Variants in KCNK2 observed in about 807,000 individuals in gnomAD.
KCNK2 encodes potassium two pore domain channel subfamily K member 2.
A neutral mutation model predicts 40.5 loss-of-function variants in KCNK2; 21 were observed. That is an observed-to-expected ratio of 0.52 (90% confidence interval 0.37 to 0.75). The LOEUF (loss-of-function observed/expected upper bound fraction) is 0.75. Among genes scored for constraint, KCNK2 ranks in the 30% least tolerant of loss-of-function variants. KCNK2 has a pLI of 0.00. For missense variants in KCNK2, 399 were observed against 531.6 expected (o/e 0.75, Z 2.45); for synonymous variants, 191 against 202.2 (o/e 0.94, Z 0.47).
chr1:215,178,340 T>C (rs756515589), intron 5 of KCNK2, among the ~76,000 whole-genome samples: 3 of 152,164 alleles, frequency 2.0e-5, no homozygotes, highest in Non-Finnish European at 4.4e-5. Flanking sequence ...CCTATTTGGA[T>C]GCTTTTATTT....
rs1558053948 is a variant in KCNK2 at position 215,007,039 on chromosome 1, G to GTGTGTGTGTGTATATATATA, written c.34+1096_34+1115dup. Among the ~76,000 whole-genome samples, 149 of 69,616 alleles carry GTGTGTGTGTGTATATATATA rather than the reference G, an allele frequency of 2.1e-3. 2 individuals carry two copies. Among genetic ancestry groups the GTGTGTGTGTGTATATATATA allele is most frequent in the Non-Finnish European group, 2.8e-3 (96 of 34,438 alleles). 45.7% of individuals were successfully genotyped at this position (69,616 alleles called of 152,430 possible). On this transcript the variant is annotated intron_variant, in intron 1 of 6. Coordinates refer to the KCNK2 transcript ENST00000391895. Reference sequence around the variant, plus strand: ...TATATATATATATATATATATATATGTGTGTGTGTGTATATATATATGTGT... The same window carrying GTGTGTGTGTGTATATATATA: ...TATATATATATATATATATATATATGTGTGTGTGTGTATATATATATGTGTGTGTGTATATATATATGTGT...
At chr1:215,051,353 G>A (rs1230444576) in intron 1 of KCNK2, among the ~76,000 whole-genome samples, 9 of 152,060 alleles carry the variant, frequency 5.9e-5, no homozygotes, top group Non-Finnish European at 1.5e-5. Context: ...AATATTTGAG[G>A]GTTTCATTAA....
At chr1:215,083,508 A>G in intron 1 of KCNK2, 77 bp downstream of exon 1, 1 of 1,037,966 alleles carries the variant, frequency 9.6e-7, no homozygotes, top group East Asian at 2.4e-5. Context: ...GAGGACTGCA[A>G]ATGCCCCCTC....
intron 1 of KCNK2, among the ~76,000 whole-genome samples, chr1:215,040,901 G>T (rs1187167918): frequency 6.6e-6 from 1 of 152,148 alleles, no homozygotes; most frequent in Non-Finnish European, 1.5e-5. Flanking sequence ...ACCATGCTGT[G>T]TGTGGAGGGC....
intron 1 of KCNK2, among the ~76,000 whole-genome samples, chr1:215,029,031 C>A (rs1000604687): frequency 6.6e-6 from 1 of 151,494 alleles, no homozygotes; most frequent in Admixed American, 6.6e-5. Flanking sequence ...AGAAATTTCC[C>A]ACATACCCTT....
chr1:215,138,434 T>C (rs1039328943), intron 3 of KCNK2, among the ~76,000 whole-genome samples: 2 of 152,176 alleles, frequency 1.3e-5, no homozygotes, highest in Non-Finnish European at 2.9e-5. Context: ...GGGATCACTA[T>C]ATTTTTAGAG....
chr1:215,166,668 C>T (rs1285728017), intron 3 of KCNK2, among the ~76,000 whole-genome samples: 1 of 152,108 alleles, frequency 6.6e-6, no homozygotes, highest in Non-Finnish European at 1.5e-5. Flanking sequence ...AGTCTCCCCT[C>T]CTTCACCAGC....
chr1:215,120,761 A>G (rs1490530882), intron 2 of KCNK2, among the ~76,000 whole-genome samples: 1 of 152,204 alleles, frequency 6.6e-6, no homozygotes, highest in Non-Finnish European at 1.5e-5. Context: ...ACTAGATTAG[A>G]GTGTATGAAC....
At position 215,070,973 on chromosome 1, in the gene KCNK2, C is replaced by T. The variant is rs138665382; in HGVS notation, c.35-15395C>T. ...CCTGAGCAAATTAAATTAATCAAAT[C>T]AATTATTAATGTAATTAAATTTTTC... On this transcript the variant is annotated intron_variant, in intron 1 of 6. Transcript: ENST00000391895. Among the ~76,000 whole-genome samples the T allele has an allele frequency of 2.4e-3, 365 of 152,264 alleles. 3 individuals are homozygous for T. Among genetic ancestry groups the T allele is most frequent in the African/African-American group, 8.4e-3 (347 of 41,538 alleles).
chr1:215,080,145 T>C (rs1373791334), upstream of KCNK2, among the ~76,000 whole-genome samples: 1 of 152,164 alleles, frequency 6.6e-6, no homozygotes, highest in East Asian at 1.9e-4. Flanking sequence ...CTAAGTTCCA[T>C]GAGTCTGGAA....
intron 1 of KCNK2, among the ~76,000 whole-genome samples, chr1:215,075,544 T>C (rs537530742): frequency 6.6e-6 from 1 of 152,266 alleles, no homozygotes; most frequent in South Asian, 2.1e-4. Context: ...TACTGGAAAA[T>C]CTCTTTCTGC....
chr1:215,216,795 T>C (rs1404148376), intron 6 of KCNK2, among the ~76,000 whole-genome samples: 3 of 152,166 alleles, frequency 2.0e-5, no homozygotes, highest in African/African-American at 7.2e-5. Context: ...GTGTGTATGT[T>C]ACACTTAGAG....
At chr1:215,176,153 A>G (rs1251901488) in intron 5 of KCNK2, among the ~76,000 whole-genome samples, 2 of 151,996 alleles carry the variant, frequency 1.3e-5, no homozygotes, top group South Asian at 2.1e-4. Flanking sequence ...CCTTACCAGC[A>G]TTATTATTTG....
intron 1 of KCNK2, among the ~76,000 whole-genome samples, chr1:215,007,769 T>C (rs1039954399): frequency 6.6e-6 from 1 of 152,154 alleles, no homozygotes; most frequent in Non-Finnish European, 1.5e-5. Flanking sequence ...TAAACTACTT[T>C]TGTATAATCA....
intron 2 of KCNK2, among the ~76,000 whole-genome samples, chr1:215,097,429 T>TAA (rs200182417): frequency 5.5e-5 from 8 of 146,546 alleles, no homozygotes; most frequent in Admixed American, 6.8e-5. Context: ...CTTTTTTTCT[T>TAA]AAAAAAAAAA....
In KCNK2 at chr1:215,083,194, T is replaced by TCCCCCCCCCCCCCCCCCCCCCCC; in HGVS notation, c.-183_-182insCCCCCCCCCCCCCCCCCCCCCCC. On this transcript the variant is annotated 5_prime_UTR_variant, in exon 1 of 7. Transcript: ENST00000444842. ...CCCGCGATTTCGTTTCTTCTCACGC[T>TCCCCCCCCCCCCCCCCCCCCCCC]CCCCCCCCCGCCCCCTCCCGCGTCC... The TCCCCCCCCCCCCCCCCCCCCCCC allele has an allele frequency of 6.0e-6, 3 of 501,814 alleles. No homozygotes were observed. The highest frequency in any genetic ancestry group is 4.1e-5 in the South Asian group (2 of 49,324). 31.1% of individuals were successfully genotyped at this position (501,814 alleles called of 1,614,324 possible).
intron 1 of KCNK2, among the ~76,000 whole-genome samples, chr1:215,036,373 T>C (rs1657385122): frequency 6.6e-6 from 1 of 151,990 alleles, no homozygotes; most frequent in South Asian, 2.1e-4. Context: ...CCATTTGAAC[T>C]TCTATTCTGT....
At chr1:215,070,289 A>G (rs562730424) in intron 1 of KCNK2, among the ~76,000 whole-genome samples, 6 of 151,668 alleles carry the variant, frequency 4.0e-5, no homozygotes, top group East Asian at 3.9e-4. Context: ...GGTGGCGGGC[A>G]CCTGTAGTCC....
intron 1 of KCNK2, among the ~76,000 whole-genome samples, chr1:215,069,842 A>G (rs181158806): frequency 2.4e-4 from 37 of 152,340 alleles, no homozygotes; most frequent in African/African-American, 8.4e-4. Flanking sequence ...TGGAGGGAAC[A>G]CAATGACTTT....
Sources: allele counts gnomAD v4.1 joint callset (sites outside exome capture counted in the v4.1 genomes callset), GRCh38; gene constraint gnomAD v4.1.1; transcripts MANE v1.5; gene names NCBI Gene and HGNC (gene_info 2026-07-23, HGNC 2026-07-21).